RNF212: variants seen among roughly 807,000 people sequenced by gnomAD.
RNF212 encodes the protein ring finger protein 212.
RNF212 carries 33 observed loss-of-function variants against 34.7 expected under a neutral mutation model. That is an observed-to-expected ratio of 0.95 (90% CI 0.72 to 1.27). The LOEUF (loss-of-function observed/expected upper bound fraction) is 1.27, where lower values mean the gene tolerates loss of function less well. Ranked by LOEUF, RNF212 falls within the 50% of genes most tolerant of loss-of-function variation. The probability of loss-of-function intolerance (pLI) is 0.00; values close to 1 mark genes in which losing one functional copy is unlikely to be tolerated. For synonymous variants in RNF212, 140 were observed against 136.1 expected, an observed-to-expected ratio of 1.03 and a Z score of -0.20; for missense variants, 377 against 362.2, an observed-to-expected ratio of 1.04 and a Z score of -0.33.
rs953673658 is a variant in RNF212, at chr4:1,093,397, T to C, written c.247-2559A>G. 4 of 1,396,318 alleles carry C rather than the reference T, an allele frequency of 2.9e-6. No individual in the cohort carries two copies. In the Admixed American group the frequency reaches 9.3e-5, roughly 33 times the overall value. The allele number at this position is 1,396,318 out of a possible 1,614,324, so 86.5% of individuals were successfully genotyped here. ...TTGTAACAAATGCCAATATTTATGT[T>C]ACGTTGATATTAGAGCATAAATGTT... On this transcript the variant is annotated intron_variant, in intron 3 of 9. Coordinates refer to ENST00000433731, the MANE Select transcript of RNF212 (RefSeq NM_001131034.4).
At chr4:1,089,218 T>C (rs1352775559) in intron 4 of RNF212, among the ~76,000 whole-genome samples, 2 of 152,088 alleles carry the variant, frequency 1.3e-5, no homozygotes, top group Admixed American at 6.5e-5. Context: ...AGGGGTGGAG[T>C]TGCCCAAGGC....
chr4:1,058,281 TTAGAACGCAGTGAAGAAGGTGCTTGCGGG>T lies in RNF212; in HGVS notation n.220+11_220+39del. On this transcript the variant is annotated intron_variant and non_coding_transcript_variant, in intron 4 of 4. Transcript: ENST00000503206. ...GCTGTGAAGAAGGTGCTTGCGGGGGTTAGAACGCAGTGAAGAAGGTGCTTGCGGGGGGGCACTACCTGAGAGGCTTTCCC... is the reference window on the plus strand; with the variant it reads ...GCTGTGAAGAAGGTGCTTGCGGGGGTGGGGCACTACCTGAGAGGCTTTCCC... 20 of 653,380 alleles carry T rather than the reference TTAGAACGCAGTGAAGAAGGTGCTTGCGGG, an allele frequency of 3.1e-5. 1 individual carries two copies. The highest frequency in any genetic ancestry group is 3.6e-5 in the Non-Finnish European group (19 of 534,398). 40.5% of individuals were successfully genotyped at this position (653,380 alleles called of 1,614,324 possible).
At chr4:1,081,511 G>A (rs1374958501) in intron 6 of RNF212, 44 bp from the exon 7 acceptor site, 4 of 1,608,440 alleles carry the variant, frequency 2.5e-6, no homozygotes, top group Non-Finnish European at 3.4e-6. Context: ...TGCACACAGT[G>A]TGACTCAGCA....
intron 1 of RNF212, among the ~76,000 whole-genome samples, chr4:1,111,517 C>T (rs1725657663): frequency 6.6e-6 from 1 of 152,158 alleles, no homozygotes; most frequent in Non-Finnish European, 1.5e-5. Flanking sequence ...TTTTGTCTAG[C>T]AGTGAAACCC....
Position 1,081,639 on chromosome 4 carries a change from G to A in RNF212, c.363-20C>T. 1.3e-6 allele frequency: 2 copies of A among 1,573,150 alleles called. No homozygotes were observed. The highest frequency in any genetic ancestry group is 8.7e-7 in the Non-Finnish European group (1 of 1,143,232). On this transcript the variant is annotated intron_variant, in intron 5 of 9. Transcript: ENST00000433731. The stretch of plus-strand genomic sequence containing the variant: ...CTCATACTAAATAGATGGAGAAAAG[G>A]TATTGAATTAAATCATAAAAACTGA...
At chr4:1,094,943 T>C (rs888983894) in intron 3 of RNF212, among the ~76,000 whole-genome samples, 4 of 152,230 alleles carry the variant, frequency 2.6e-5, no homozygotes, top group Non-Finnish European at 4.4e-5. Context: ...TGTATGTAAA[T>C]GTTTCACCAT....
At position 1,059,940 on chromosome 4, in the gene RNF212, C is replaced by A. The variant is rs1415489310; in HGVS notation, n.148-1547G>T. 2.0e-5 allele frequency among the ~76,000 whole-genome samples: 3 copies of A among 151,722 alleles called. No homozygotes were observed. The East Asian group carries it at 5.8e-4, about 30-fold the overall frequency. On this transcript the variant is annotated intron_variant and non_coding_transcript_variant, in intron 3 of 4. Transcript: ENST00000503206. Reference sequence around the variant, plus strand: ...AGAAACCCTGTCTCTACTAAAAATACAAAATTAGCCAGGCGTGGTGGCGCA... The same window carrying A: ...AGAAACCCTGTCTCTACTAAAAATAAAAAATTAGCCAGGCGTGGTGGCGCA...
At chr4:1,104,804 C>T (rs774278600) in intron 2 of RNF212, among the ~76,000 whole-genome samples, 10 of 152,144 alleles carry the variant, frequency 6.6e-5, no homozygotes, top group Admixed American at 3.3e-4. Context: ...AGACAATGAA[C>T]GTGTCTGCAT....
intron 3 of RNF212, among the ~76,000 whole-genome samples, chr4:1,062,241 C>T (rs987027360): frequency 2.0e-5 from 3 of 152,136 alleles, no homozygotes; most frequent in African/African-American, 7.2e-5. Context: ...CAACAAAATA[C>T]CAGCAAACAA....
intron 7 of RNF212, 124 bp from the exon 8 acceptor site, chr4:1,079,812 G>A: frequency 1.2e-5 from 9 of 750,866 alleles, no homozygotes; most frequent in South Asian, 4.5e-5. Context: ...TTCATGCTGC[G>A]GCCAGAGTTT....
At chr4:1,074,974 C>T (rs184277638) in intron 8 of RNF212, among the ~76,000 whole-genome samples, 7 of 152,288 alleles carry the variant, frequency 4.6e-5, no homozygotes, top group African/African-American at 1.2e-4. Context: ...TTGACATCAC[C>T]GTCCCTTCGA....
intron 7 of RNF212, among the ~76,000 whole-genome samples, chr4:1,081,129 C>T (rs1472445472): frequency 6.6e-6 from 1 of 152,252 alleles, no homozygotes; most frequent in East Asian, 1.9e-4. Context: ...GGCACTGGAA[C>T]GCCAGTTGAG....
chr4:1,058,101 A>G (rs1219450950), intron 4 of RNF212, among the ~76,000 whole-genome samples: 1 of 152,222 alleles, frequency 6.6e-6, no homozygotes, highest in Non-Finnish European at 1.5e-5. Flanking sequence ...TATATACAAC[A>G]AAACCTGACT....
At chr4:1,092,849 C>T (rs866750080) in intron 3 of RNF212, among the ~76,000 whole-genome samples, 6 of 152,248 alleles carry the variant, frequency 3.9e-5, no homozygotes, top group Non-Finnish European at 5.9e-5. Context: ...AGGTCACTCA[C>T]GCGGACTCTC....
intron 1 of RNF212, among the ~76,000 whole-genome samples, chr4:1,110,157 C>T (rs1426328358): frequency 4.6e-5 from 7 of 152,062 alleles, no homozygotes; most frequent in East Asian, 1.9e-4. Flanking sequence ...AAATCACGTG[C>T]GGCCAAAAGA....
chr4:1,082,926 G>A (rs558742754), intron 5 of RNF212, among the ~76,000 whole-genome samples: 245 of 152,336 alleles, frequency 1.6e-3, no homozygotes, highest in Admixed American at 2.8e-3. Flanking sequence ...GCACTGTTTC[G>A]TGGGAGCAAG....
chr4:1,056,918 G>A, intron 4 of RNF212: 2 of 988,016 alleles, frequency 2.0e-6, no homozygotes, highest in Non-Finnish European at 2.4e-6. Context: ...CCCGAAGCTT[G>A]GAGAGTCCCC....
intron 8 of RNF212, among the ~76,000 whole-genome samples, chr4:1,075,068 C>CT (rs1369186669): frequency 1.3e-5 from 2 of 152,206 alleles, no homozygotes; most frequent in African/African-American, 4.8e-5. Context: ...CTGGTGCTGT[C>CT]TGACAGCTGT....
chr4:1,097,862 T>A (rs1242882528), intron 2 of RNF212, among the ~76,000 whole-genome samples: 1 of 152,092 alleles, frequency 6.6e-6, no homozygotes, highest in African/African-American at 2.4e-5. Flanking sequence ...GTCAGGAGTT[T>A]AAGACCAGGC....
Sources: allele counts gnomAD v4.1 joint callset (sites outside exome capture counted in the v4.1 genomes callset), GRCh38; gene constraint gnomAD v4.1.1; transcripts MANE v1.5; gene names NCBI Gene and HGNC (gene_info 2026-07-23, HGNC 2026-07-21).